Variants in HUNK observed in about 807,000 individuals in gnomAD.
HUNK encodes the protein hormonally up-regulated Neu-associated kinase, also known as hormonally up-regulated neu tumor-associated kinase.
In HUNK, 21 loss-of-function variants were observed where a neutral mutation model predicts 61.0. That is an observed-to-expected ratio of 0.34 (90% confidence interval 0.24 to 0.50). The LOEUF (loss-of-function observed/expected upper bound fraction) is 0.50. Ranked by LOEUF, HUNK falls within the 20% of genes least tolerant of loss-of-function variation. HUNK has a pLI of 0.98. For synonymous variants in HUNK, 371 were observed against 386.1 expected (o/e 0.96, Z 0.46); for missense variants, 772 against 945.7 (o/e 0.82, Z 2.41).
chr21:31,976,785 T>A (rs1284027747), intron 7 of HUNK, among the ~76,000 whole-genome samples: 1 of 148,328 alleles, frequency 6.7e-6, no homozygotes, highest in Non-Finnish European at 1.5e-5. Flanking sequence ...TTTTTTTTTC[T>A]TTTGAGATGA....
chr21:31,896,578 A>G (rs1378863435), intron 1 of HUNK, among the ~76,000 whole-genome samples: 1 of 152,198 alleles, frequency 6.6e-6, no homozygotes, highest in Admixed American at 6.5e-5. Context: ...AAAAAAACAA[A>G]CAAACAAACA....
intron 2 of HUNK, among the ~76,000 whole-genome samples, chr21:31,932,911 CTTTT>C (rs779361324): frequency 1.5e-5 from 2 of 130,616 alleles, no homozygotes; most frequent in East Asian, 2.1e-4. Context: ...TGCCTTCTTC[CTTTT>C]TTTTTTTTTT....
At chr21:31,920,054 ACT>A (rs956962209) in intron 1 of HUNK, among the ~76,000 whole-genome samples, 3 of 152,088 alleles carry the variant, frequency 2.0e-5, no homozygotes, top group Admixed American at 2.0e-4. Context: ...CCCTCCAGAG[ACT>A]CTAGGGGAGG....
intron 1 of HUNK, among the ~76,000 whole-genome samples, chr21:31,886,868 T>G (rs1439458225): frequency 2.0e-5 from 3 of 152,150 alleles, no homozygotes; most frequent in Non-Finnish European, 4.4e-5. Context: ...CTCGAACTCC[T>G]GACCTCAGGT....
At chr21:31,919,155 G>A (rs1389884484) in intron 1 of HUNK, among the ~76,000 whole-genome samples, 1 of 144,284 alleles carries the variant, frequency 6.9e-6, no homozygotes, top group Non-Finnish European at 1.5e-5. Context: ...ATGAGGAGGA[G>A]GGGCTGGACT....
At chr21:31,951,111 C>T (rs2052846546) in intron 4 of HUNK, among the ~76,000 whole-genome samples, 1 of 151,676 alleles carries the variant, frequency 6.6e-6, no homozygotes, top group Non-Finnish European at 1.5e-5. Context: ...CCATTATTTT[C>T]AATGGTGGTT....
intron 2 of HUNK, among the ~76,000 whole-genome samples, chr21:31,926,995 T>C (rs952570433): frequency 1.3e-5 from 2 of 151,356 alleles, no homozygotes; most frequent in East Asian, 3.9e-4. Flanking sequence ...CTTTCTTTCT[T>C]TCTCTCTCTC....
chr21:31,917,691 A>AACACACAC (rs1323303977), intron 1 of HUNK, among the ~76,000 whole-genome samples: 4 of 54,612 alleles, frequency 7.3e-5, no homozygotes, highest in African/African-American at 2.3e-4. Context: ...CCCATTCCCA[A>AACACACAC]ACATACACAC....
intron 9 of HUNK, among the ~76,000 whole-genome samples, 184 bp from the exon 10 acceptor site, chr21:31,995,584 A>T (rs1390687678): frequency 6.6e-6 from 1 of 152,218 alleles, no homozygotes; most frequent in Non-Finnish European, 1.5e-5. Context: ...GCCCAGGCAG[A>T]GGGAGATGGG....
At chr21:31,900,470 C>CACACACACACAT (rs2052457870) in intron 1 of HUNK, among the ~76,000 whole-genome samples, 1 of 151,976 alleles carries the variant, frequency 6.6e-6, no homozygotes, top group Admixed American at 6.6e-5. Context: ...CACACACACA[C>CACACACACACAT]ACACACACAA....
chr21:31,911,496 C>G (rs971884897), intron 1 of HUNK, among the ~76,000 whole-genome samples: 1 of 152,158 alleles, frequency 6.6e-6, no homozygotes, highest in Non-Finnish European at 1.5e-5. Flanking sequence ...GGAGGCGGGT[C>G]AAGCCGAGGG....
chr21:31,997,859 G>A (rs1352643071), intron 10 of HUNK, among the ~76,000 whole-genome samples: 2 of 152,160 alleles, frequency 1.3e-5, no homozygotes, highest in Non-Finnish European at 1.5e-5. Context: ...TGGATGTGCT[G>A]TTGAGTGCAT....
chr21:31,975,772 C>T (rs1180938568), intron 7 of HUNK, among the ~76,000 whole-genome samples: 1 of 152,164 alleles, frequency 6.6e-6, no homozygotes. Flanking sequence ...GAAAATCTAC[C>T]TGCAGTTGGG....
intron 1 of HUNK, among the ~76,000 whole-genome samples, chr21:31,923,519 G>GGAGGAAGGGAGGGAGGAAGGAAGGA (rs2052637208): frequency 7.7e-6 from 1 of 129,226 alleles, no homozygotes; most frequent in Non-Finnish European, 1.7e-5. Context: ...GAGAGGGAAG[G>GGAGGAAGGGAGGGAGGAAGGAAGGA]AGGGAGGAAG....
At chr21:31,916,306 T>C (rs536559144) in intron 1 of HUNK, among the ~76,000 whole-genome samples, 298 of 152,098 alleles carry the variant, frequency 2.0e-3, no homozygotes, top group Non-Finnish European at 3.6e-3. Context: ...CGCCTCGGCC[T>C]CCCAAAGTGC....
chr21:31,930,445 A>G (rs1356827558), intron 2 of HUNK, among the ~76,000 whole-genome samples: 2 of 152,168 alleles, frequency 1.3e-5, no homozygotes, highest in Non-Finnish European at 2.9e-5. Flanking sequence ...CTCTGCTTGC[A>G]CTGCCCTTGT....
At chr21:31,878,815 G>A (rs1796115667) in intron 1 of HUNK, among the ~76,000 whole-genome samples, 1 of 152,174 alleles carries the variant, frequency 6.6e-6, no homozygotes, top group South Asian at 2.1e-4. Context: ...CAGTGTTGTA[G>A]GCAGGCAAAC....
intron 1 of HUNK, among the ~76,000 whole-genome samples, chr21:31,885,700 C>T (rs1399462388): frequency 2.0e-5 from 3 of 152,082 alleles, no homozygotes; most frequent in African/African-American, 4.8e-5. Context: ...CTGCCCTCCA[C>T]GTGTGTCTGT....
intron 1 of HUNK, among the ~76,000 whole-genome samples, chr21:31,880,709 C>T (rs1369081773): frequency 1.3e-5 from 2 of 152,168 alleles, no homozygotes; most frequent in East Asian, 1.9e-4. Flanking sequence ...CAGGTACCAA[C>T]GGGACTTGAA....
Sources: gnomAD v4.1 joint callset for allele counts (sites outside exome capture counted in the v4.1 genomes callset) on GRCh38, gnomAD v4.1.1 for gene constraint, MANE v1.5 for transcripts, NCBI Gene and HGNC (gene_info 2026-07-23, HGNC 2026-07-21) for gene names.